SMG9: variants seen among roughly 807,000 people sequenced by gnomAD.
The protein encoded by SMG9 is nonsense-mediated mRNA decay factor SMG9.
Under a neutral mutation model 64.0 loss-of-function variants are expected in SMG9, and 55 were observed. The ratio of observed to expected loss-of-function variants is 0.86; its 90% CI spans 0.69 to 1.08. The LOEUF is 1.08. SMG9 is among the 50% of genes least tolerant of loss of function. The pLI is 0.00. For synonymous variants in SMG9, 244 were observed against 254.8 expected, an observed-to-expected ratio of 0.96 and a Z score of 0.41; for missense variants, 554 against 681.3, an observed-to-expected ratio of 0.81 and a Z score of 2.08.
At chr19:43,733,878 G>A in intron 10 of SMG9, 145 bp from the exon 11 acceptor site, 1 of 649,836 alleles carries the variant, frequency 1.5e-6, no homozygotes, top group Non-Finnish European at 2.7e-6. Context: ...TTTAGCACCA[G>A]GCTCTGTGTA....
At position 43,747,724 on chromosome 19, in the gene SMG9, G is replaced by A; in HGVS notation, c.399C>T (p.Pro133=). 6.2e-7 allele frequency: 1 copy of A among 1,611,008 alleles called. No homozygotes were observed. Among genetic ancestry groups the A allele is most frequent in the Non-Finnish European group, 8.5e-7 (1 of 1,178,840 alleles). ...GTCTCTGCCCCTCCTTCTCCCCCTTGGGTGGCGCAGGGGCTGCAGGGGGTG... is the reference window on the plus strand; with the variant it reads ...GTCTCTGCCCCTCCTTCTCCCCCTTAGGTGGCGCAGGGGCTGCAGGGGGTG... ...APPPPAAPAP[P]KGEKEGQRPT... is the part of the protein sequence containing the mutation. The change falls in exon 4 of 14, where the codon CCC becomes CCT. Residue 133 remains proline (P), a synonymous_variant. Coordinates refer to ENST00000270066, the MANE Select transcript of SMG9 (RefSeq NM_019108.4).
intron 6 of SMG9, among the ~76,000 whole-genome samples, chr19:43,744,422 G>A (rs1255887628): frequency 1.3e-5 from 2 of 152,186 alleles, no homozygotes; most frequent in Admixed American, 1.3e-4. Flanking sequence ...GGGAAATGAA[G>A]TGACCTGCCC....
rs2146354298 is a variant in SMG9, at chr19:43,731,647, A to G, written c.1512T>C (p.Asp504=). Residue 504 remains aspartate (D), a synonymous_variant, in exon 14 of 14, where the codon GAT becomes GAC. Coordinates refer to ENST00000270066, the MANE Select transcript of SMG9 (RefSeq NM_019108.4). ...NWFHYAARIW[D]GVRKSSALAE... is the part of the protein sequence containing the mutation. ...CCAGAGCAGAGGACTTTCTCACCCCATCCCAGATCCGGGCAGCGTAGTGGA... is the reference window on the plus strand; with the variant it reads ...CCAGAGCAGAGGACTTTCTCACCCCGTCCCAGATCCGGGCAGCGTAGTGGA... 1 of 1,614,204 alleles carries G rather than the reference A, an allele frequency of 6.2e-7. No individual in the cohort carries two copies. Among genetic ancestry groups the G allele is most frequent in the Non-Finnish European group, 8.5e-7 (1 of 1,180,024 alleles).
rs779426845 is a variant in SMG9, at chr19:43,747,979, C to T, written c.224G>A (p.Arg75Gln). ...PIILSKPPAE[R>Q]SKQPPPPTAP... Reference sequence around the variant, plus strand: ...CCTCCTCCCTCCTTCTCTGCTCACCCGCTCTGCTGGAGGTTTTGAGAGGAT... The same window carrying T: ...CCTCCTCCCTCCTTCTCTGCTCACCTGCTCTGCTGGAGGTTTTGAGAGGAT... The change falls in exon 3 of 14, where the codon CGG (arginine) becomes CAG (glutamine). Residue 75 changes from arginine to glutamine, a missense_variant and splice_region_variant. Transcript: ENST00000270066. 1.2e-5 allele frequency: 19 copies of T among 1,614,174 alleles called. No individual in the cohort carries two copies. Among genetic ancestry groups the T allele is most frequent in the East Asian group, 8.9e-5 (4 of 44,876 alleles).
chr19:43,748,185 C>T (rs1969087576), intron 2 of SMG9, 133 bp from the exon 3 acceptor site: 1 of 1,059,610 alleles, frequency 9.4e-7, no homozygotes, highest in Non-Finnish European at 1.3e-6. Flanking sequence ...GAGATAGATA[C>T]TATTATTACC....
chr19:43,735,639 AT>A (rs148333253), intron 9 of SMG9, among the ~76,000 whole-genome samples: 46 of 148,694 alleles, frequency 3.1e-4, no homozygotes, highest in African/African-American at 3.2e-4. Flanking sequence ...AAAAAAAAAA[AT>A]CTGTGTGGTT....
intron 6 of SMG9, among the ~76,000 whole-genome samples, chr19:43,741,168 G>A (rs1968833689): frequency 6.6e-6 from 1 of 152,218 alleles, no homozygotes; most frequent in Admixed American, 6.5e-5. Flanking sequence ...GTAACTGTGG[G>A]TGTTAGAAAG....
In SMG9 at chr19:43,731,583, C is replaced by T. The variant is rs1475672078; in HGVS notation, c.*13G>A. Reference sequence around the variant, plus strand: ...CCCAGGAGGTCCCCTGCATGACATTCCTCTCCTTGGCCTCAGGCCAGCAGG... The same window carrying T: ...CCCAGGAGGTCCCCTGCATGACATTTCTCTCCTTGGCCTCAGGCCAGCAGG... On this transcript the variant is annotated 3_prime_UTR_variant, in exon 14 of 14. Coordinates refer to ENST00000270066, the MANE Select transcript of SMG9 (RefSeq NM_019108.4). 2 of 1,614,210 alleles carry T rather than the reference C, an allele frequency of 1.2e-6. No individual in the cohort carries two copies. The highest frequency in any genetic ancestry group is 3.3e-5 in the Admixed American group (2 of 60,030).
Position 43,734,397 on chromosome 19 carries a change from G to C in SMG9, c.1094C>G (p.Pro365Arg). 1 of 1,553,870 alleles carries C rather than the reference G, an allele frequency of 6.4e-7. No individual in the cohort carries two copies. The highest frequency in any genetic ancestry group is 2.4e-5 in the East Asian group (1 of 41,248). ...SGSDEGTEYYPHLVFLQNKAR... is the reference protein window; with the variant it reads ...SGSDEGTEYYRHLVFLQNKAR... ...CCCAGAAAGCCTCTCACCTAGGTGGGGGTAGTACTCGGTGCCTTCATCGGA... is the reference window on the plus strand; with the variant it reads ...CCCAGAAAGCCTCTCACCTAGGTGGCGGTAGTACTCGGTGCCTTCATCGGA... The change falls in exon 10 of 14, where the codon CCC becomes CGC. Residue 365 changes from proline (P) to arginine (R), a missense_variant. Pro to Arg is a moderately radical substitution (Grantham distance 103). Transcript: ENST00000270066.
intron 2 of SMG9, among the ~76,000 whole-genome samples, chr19:43,749,306 G>A (rs1238295489): frequency 3.9e-5 from 6 of 152,140 alleles, no homozygotes; most frequent in Admixed American, 2.0e-4. Flanking sequence ...ACTGATATGG[G>A]AGAAAAAAAT....
intron 1 of SMG9, among the ~76,000 whole-genome samples, chr19:43,753,458 CTTTTT>C (rs745479932): frequency 4.8e-4 from 57 of 118,616 alleles, no homozygotes; most frequent in African/African-American, 1.7e-3. Flanking sequence ...GAATGCTTTT[CTTTTT>C]TTTTTTTTTT....
chr19:43,737,494 G>T, intron 9 of SMG9, 103 bp downstream of exon 9: 1 of 985,650 alleles, frequency 1.0e-6, no homozygotes. Context: ...CATTTTAAAA[G>T]GATCCCTCTG....
rs1555787254 is a variant in SMG9 at position 43,728,879 on chromosome 19, G to GCC, written c.*2716_*2717insGG. 1.8e-6 allele frequency: 1 copy of GCC among 551,450 alleles called. No homozygotes were observed. The highest frequency in any genetic ancestry group is 2.3e-6 in the Non-Finnish European group (1 of 433,424). The allele number at this position is 551,450 out of a possible 1,614,324, so 34.2% of individuals were successfully genotyped here. On this transcript the variant is annotated 3_prime_UTR_variant, in exon 14 of 14. Coordinates refer to ENST00000270066, the MANE Select transcript of SMG9 (RefSeq NM_019108.4). ...TATTCCTGTGTCTGAATTGAAAAGCGTGAGTTCCACCTGCTGGGAATGATG... is the reference window on the plus strand; with the variant it reads ...TATTCCTGTGTCTGAATTGAAAAGCGCCTGAGTTCCACCTGCTGGGAATGATG...
rs146914828 is a variant in SMG9, at chr19:43,747,786, C to G, written c.337G>C (p.Val113Leu). The change falls in exon 4 of 14, where the codon GTG (valine) becomes CTG (leucine). Residue 113 changes from valine (V) to leucine (L), a missense_variant. Coordinates refer to ENST00000270066, the MANE Select transcript of SMG9 (RefSeq NM_019108.4). ...CCCTCAGGGGTAGAGGCACCTGTCA[C>G]GGCCACAGGCCCCTTCCCCTCCTCC... ...PREEGKGPVA[V>L]TGASTPEGTA... The G allele has an allele frequency of 6.2e-7, 1 of 1,606,474 alleles. No homozygotes were observed. The highest frequency in any genetic ancestry group is 1.7e-5 in the Admixed American group (1 of 59,430).
At chr19:43,733,280 G>C (rs1361084021) in intron 12 of SMG9, 44 bp downstream of exon 12, 1 of 1,607,956 alleles carries the variant, frequency 6.2e-7, no homozygotes, top group Admixed American at 1.7e-5. Flanking sequence ...TCTCTGATCA[G>C]GATAGGACTT....
chr19:43,734,526 T>C (rs1968595675), intron 9 of SMG9, 31 bp from the exon 10 acceptor site: 3 of 1,462,286 alleles, frequency 2.1e-6, no homozygotes, highest in African/African-American at 1.4e-5. Context: ...GCTGTTGCTC[T>C]TGCACTTGCA....
At chr19:43,747,208 T>A (rs1021327156) in intron 5 of SMG9, among the ~76,000 whole-genome samples, 7 of 152,104 alleles carry the variant, frequency 4.6e-5, no homozygotes, top group African/African-American at 1.4e-4. Context: ...GGGGTGGTAG[T>A]GAGAGTACTT....
intron 13 of SMG9, 118 bp downstream of exon 13, chr19:43,732,740 G>A (rs1219733258): frequency 1.2e-5 from 15 of 1,256,704 alleles, no homozygotes; most frequent in Non-Finnish European, 1.6e-5. Context: ...TCCAGAAAAG[G>A]AACCTGGGAT....
intron 6 of SMG9, 37 bp from the exon 7 acceptor site, chr19:43,740,255 T>C: frequency 6.9e-7 from 1 of 1,441,080 alleles, no homozygotes; most frequent in South Asian, 1.1e-5. Flanking sequence ...GTGAGAGCTC[T>C]GGTTCTCAGC....
Sources: gnomAD v4.1 joint callset for allele counts (sites outside exome capture counted in the v4.1 genomes callset) on GRCh38, gnomAD v4.1.1 for gene constraint, MANE v1.5 for transcripts, NCBI Gene and HGNC (gene_info 2026-07-23, HGNC 2026-07-21) for gene names.